The following SMUG1 variants were observed in gnomAD, a reference collection of about 807,000 sequenced individuals.
SMUG1 encodes single-strand-selective monofunctional uracil-DNA glycosylase 1.
Under a neutral mutation model 23.9 loss-of-function variants are expected in SMUG1, and 13 were observed. The observed-to-expected ratio is 0.54, with a 90% CI of 0.35 to 0.86. The LOEUF (loss-of-function observed/expected upper bound fraction) is 0.86. Ranked by LOEUF, SMUG1 falls within the 40% of genes least tolerant of loss-of-function variation. SMUG1 has a pLI of 0.01. For synonymous variants in SMUG1, 133 were observed against 139.8 expected, an observed-to-expected ratio of 0.95 and a Z score of 0.34; for missense variants, 313 against 339.5, an observed-to-expected ratio of 0.92 and a Z score of 0.61.
intron 2 of SMUG1, chr12:54,172,510 G>A (rs369002974): frequency 1.8e-5 from 3 of 164,672 alleles, no homozygotes; most frequent in Non-Finnish European, 2.7e-5. Context: ...CAAAATGCCC[G>A]CCTTGCTTCC....
At chr12:54,186,718 T>C (rs1470247470) in intron 2 of SMUG1, 2 of 152,182 alleles carry the variant, frequency 1.3e-5, no homozygotes, top group African/African-American at 4.8e-5. Context: ...TGTGTCACCA[T>C]GGTTACCGTC....
At chr12:54,158,444 G>T (rs1282934562) in intron 4 of SMUG1, among the ~76,000 whole-genome samples, 1 of 152,078 alleles carries the variant, frequency 6.6e-6, no homozygotes, top group South Asian at 2.1e-4. Context: ...AAGAAATCTT[G>T]TAGTGGTCCC....
intron 3 of SMUG1, among the ~76,000 whole-genome samples, chr12:54,171,160 TG>T (rs1267584428): frequency 2.0e-5 from 3 of 151,700 alleles, no homozygotes; most frequent in Admixed American, 2.0e-4. Flanking sequence ...CCACCACATC[TG>T]GCTAATTTTT....
chr12:54,183,784 T>C lies in SMUG1; in HGVS notation c.157A>G (p.Ile53Val), dbSNP rs779161314. ...GCATACTCCACGGGATTGTAGATGA[T>C]GCCCACAGGCTCCGAAAACTGCAGC... ...SQLQFSEPVG[I>V]IYNPVEYAWE... Residue 53 changes from isoleucine (I) to valine (V), a missense_variant, in exon 3 of 4, where the codon ATC becomes GTC. Physicochemically the swap from Ile to Val is conservative, Grantham distance 29 (BLOSUM62 3). Coordinates refer to ENST00000682136, the MANE Select transcript of SMUG1 (RefSeq NM_001243787.2). 1 of 1,614,188 alleles carries C rather than the reference T, an allele frequency of 6.2e-7. No individual in the cohort carries two copies. The highest frequency in any genetic ancestry group is 1.1e-5 in the South Asian group (1 of 91,082).
intron 2 of SMUG1, 93 bp from the exon 3 acceptor site, chr12:54,184,052 G>A: frequency 9.2e-7 from 1 of 1,081,590 alleles, no homozygotes; most frequent in Non-Finnish European, 1.3e-6. Context: ...CATTTCCTGG[G>A]CTCAGAAGGG....
rs551493135 is a variant in SMUG1, at chr12:54,166,641, T to A, written c.*53-1163A>T. Among the ~76,000 whole-genome samples the A allele has an allele frequency of 2.4e-4, 37 of 152,286 alleles. 1 individual carries two copies. In the South Asian group the frequency reaches 7.5e-3, roughly 31 times the overall value. On this transcript the variant is annotated intron_variant and NMD_transcript_variant, in intron 3 of 4. Coordinates refer to the SMUG1 transcript ENST00000509864. The stretch of plus-strand genomic sequence containing the variant: ...TGTTAGCACATCAGCATGAGGATCA[T>A]CAGGCACTGTAATAAATCAAATGAA...
chr12:54,171,796 T>C (rs1280456708), intron 3 of SMUG1, among the ~76,000 whole-genome samples: 1 of 148,766 alleles, frequency 6.7e-6, no homozygotes, highest in Non-Finnish European at 1.5e-5. Context: ...CCACAACTAA[T>C]ACTACTCCCA....
At chr12:54,171,987 C>A in intron 3 of SMUG1, 1 of 429,794 alleles carries the variant, frequency 2.3e-6, no homozygotes, top group Admixed American at 2.4e-5. Flanking sequence ...ATCACCTCTG[C>A]TGCCATCTCC....
chr12:54,183,936 G>A lies in SMUG1; in HGVS notation c.5C>T (p.Pro2Leu). The A allele has an allele frequency of 1.3e-6, 2 of 1,555,288 alleles. No homozygotes were observed. Among genetic ancestry groups the A allele is most frequent in the Non-Finnish European group, 1.7e-6 (2 of 1,151,882 alleles). The stretch of plus-strand genomic sequence containing the variant: ...GATGGACCCCAGCAGGAAAGCCTGG[G>A]GCATATGTCCATGCCGCTGTCACCT... M[P>L]QAFLLGSIHE... is the part of the protein sequence containing the mutation. The change falls in exon 3 of 4, where the codon CCC (proline) becomes CTC (leucine). Residue 2 changes from proline (P) to leucine (L), a missense_variant. Transcript: ENST00000682136.
chr12:54,161,097 T>C (rs2136527672), downstream of SMUG1, among the ~76,000 whole-genome samples: 1 of 152,260 alleles, frequency 6.6e-6, no homozygotes, highest in South Asian at 2.1e-4. The surrounding 1 kb of genome is among the most constrained non-coding windows in gnomAD (Gnocchi z 4.2). Context: ...TCACCCCATT[T>C]TGGGGACAGA....
At position 54,182,468 on chromosome 12, in the gene SMUG1, G is replaced by A. The variant is rs745501752; in HGVS notation, c.441C>T (p.Asn147=). ...AGAAGACCTCAGGCTGTCCACAGAG[G>A]TTCCGGAAAAAGCCCCAGAATCGGG... ...SGARFWGFFR[N]LCGQPEVFFH... is the part of the protein sequence containing the mutation. Residue 147 remains asparagine (N), a synonymous_variant, in exon 4 of 4, where the codon AAC becomes AAT. Coordinates refer to ENST00000682136, the MANE Select transcript of SMUG1 (RefSeq NM_001243787.2). 30 of 1,613,906 alleles carry A rather than the reference G, an allele frequency of 1.9e-5. No homozygotes were observed. Among genetic ancestry groups the A allele is most frequent in the Non-Finnish European group, 2.5e-5 (30 of 1,179,970 alleles).
intron 3 of SMUG1, among the ~76,000 whole-genome samples, chr12:54,167,780 T>C (rs6580976): frequency 0.69 from 104,799 of 152,036 alleles, 36,247 homozygotes; most frequent in South Asian, 0.81. Context: ...GCCCATTTTG[T>C]CTGGAATGAC....
rs1940975688 is a variant in SMUG1 at position 54,180,980 on chromosome 12, T to G, written c.*1116A>C. 2 of 136,042 alleles carry G rather than the reference T, an allele frequency of 1.5e-5. No individual in the cohort carries two copies. The highest frequency in any genetic ancestry group is 5.9e-5 in the African/African-American group (2 of 34,058). The allele number at this position is 136,042 out of a possible 1,614,324, so 8.4% of individuals were successfully genotyped here. ...TCCAGCCTGGGCAACAGCATGAGACTCCATCTCAAAAAAAAAAAAAAAAGA... is the reference window on the plus strand; with the variant it reads ...TCCAGCCTGGGCAACAGCATGAGACGCCATCTCAAAAAAAAAAAAAAAAGA... On this transcript the variant is annotated 3_prime_UTR_variant, in exon 4 of 4. Coordinates refer to ENST00000682136, the MANE Select transcript of SMUG1 (RefSeq NM_001243787.2).
chr12:54,170,081 C>A (rs1215200003), intron 3 of SMUG1, among the ~76,000 whole-genome samples: 1 of 152,070 alleles, frequency 6.6e-6, no homozygotes, highest in East Asian at 1.9e-4. Context: ...GCCTGTAATC[C>A]CAGCTACTCG....
chr12:54,172,927 T>G (rs562838861), intron 2 of SMUG1: 8 of 152,644 alleles, frequency 5.2e-5, no homozygotes, highest in African/African-American at 1.7e-4. Context: ...TCTGCAGGCC[T>G]TCCCCACGGG....
chr12:54,188,904 T>C (rs1255192639), intron 1 of SMUG1, 47 bp downstream of exon 1: 1 of 152,074 alleles, frequency 6.6e-6, no homozygotes, highest in Non-Finnish European at 1.5e-5. Context: ...CTGGGAGCCG[T>C]CAACTTGCCC....
chr12:54,175,299 C>T (rs1347659259), intron 2 of SMUG1, among the ~76,000 whole-genome samples: 1 of 152,244 alleles, frequency 6.6e-6, no homozygotes, highest in Non-Finnish European at 1.5e-5. Flanking sequence ...TTGCCTGCCA[C>T]CATCTGCTGC....
chr12:54,159,336 G>A (rs1439399718), intron 4 of SMUG1, among the ~76,000 whole-genome samples: 3 of 152,200 alleles, frequency 2.0e-5, no homozygotes, highest in Non-Finnish European at 4.4e-5. Context: ...GGAGGGTCAC[G>A]TGGCTCGGCC....
intron 2 of SMUG1, among the ~76,000 whole-genome samples, chr12:54,186,406 G>A (rs1022970331): frequency 6.6e-5 from 10 of 151,434 alleles, no homozygotes; most frequent in Non-Finnish European, 1.0e-4. Flanking sequence ...GCAGTGGCGC[G>A]ATCTCAGCTC....
Sources: allele counts gnomAD v4.1 joint callset (sites outside exome capture counted in the v4.1 genomes callset), GRCh38; gene constraint gnomAD v4.1.1; non-coding constraint Gnocchi (gnomAD v3.1); transcripts MANE v1.5; gene names NCBI Gene and HGNC (gene_info 2026-07-23, HGNC 2026-07-21).